KSR2: variants seen among roughly 807,000 people sequenced by gnomAD.
The protein encoded by KSR2 is kinase suppressor of ras 2.
KSR2 carries 25 observed loss-of-function variants against 107.8 expected under a neutral mutation model. The ratio of observed to expected loss-of-function variants is 0.23; its 90% CI spans 0.17 to 0.32. The LOEUF is 0.32. KSR2 is among the 10% of genes least tolerant of loss of function. The pLI is 1.00. For synonymous variants in KSR2, 480 were observed against 507.0 expected (o/e 0.95, Z 0.71); for missense variants, 887 against 1,268.9 (o/e 0.70, Z 4.57).
chr12:117,697,128 C>T (rs1389475621), intron 4 of KSR2, among the ~76,000 whole-genome samples: 1 of 152,188 alleles, frequency 6.6e-6, no homozygotes, highest in Non-Finnish European at 1.5e-5. Context: ...AGCTGCTTTC[C>T]TCCCCCTCGA....
At chr12:117,702,445 A>G (rs1191052951) in intron 4 of KSR2, among the ~76,000 whole-genome samples, 1 of 152,216 alleles carries the variant, frequency 6.6e-6, no homozygotes, top group Non-Finnish European at 1.5e-5. Context: ...AGGAAGTGCA[A>G]TTTAGTGAAC....
chr12:117,915,665 T>C (rs772942744), intron 1 of KSR2, among the ~76,000 whole-genome samples: 22 of 152,214 alleles, frequency 1.4e-4, no homozygotes, highest in Non-Finnish European at 2.8e-4. Flanking sequence ...CCATGGATCC[T>C]GACAAGTTTA....
intron 14 of KSR2, among the ~76,000 whole-genome samples, chr12:117,513,403 A>C (rs542403179): frequency 3.2e-4 from 48 of 152,366 alleles, no homozygotes; most frequent in African/African-American, 1.1e-3. Context: ...AACTGGAGCC[A>C]GGTTGGGAAT....
chr12:117,647,464 T>C (rs1883703116), intron 5 of KSR2, among the ~76,000 whole-genome samples: 1 of 151,930 alleles, frequency 6.6e-6, no homozygotes, highest in Non-Finnish European at 1.5e-5. Context: ...GGGCCCAGGG[T>C]GCCATGGGTG....
chr12:117,812,553 T>A (rs908674441), intron 3 of KSR2, among the ~76,000 whole-genome samples: 7 of 152,132 alleles, frequency 4.6e-5, no homozygotes, highest in African/African-American at 1.4e-4. Flanking sequence ...AGATAGTAAA[T>A]GGTCCTGTAC....
chr12:117,625,307 T>C (rs1455888732), intron 5 of KSR2, among the ~76,000 whole-genome samples: 1 of 152,214 alleles, frequency 6.6e-6, no homozygotes, highest in East Asian at 1.9e-4. Flanking sequence ...GCTTCCAGTT[T>C]TTGCCCACTC....
chr12:117,741,676 G>A, intron 4 of KSR2, among the ~76,000 whole-genome samples: 1 of 152,086 alleles, frequency 6.6e-6, no homozygotes, highest in East Asian at 1.9e-4. Context: ...TCCTGGTCTT[G>A]ACAGAGAAAG....
chr12:117,693,953 T>A (rs1885939435), intron 4 of KSR2, among the ~76,000 whole-genome samples: 1 of 152,318 alleles, frequency 6.6e-6, no homozygotes, highest in East Asian at 1.9e-4. Flanking sequence ...TCCAATTCCA[T>A]ATTCTTTGGT....
chr12:117,829,821 T>C (rs139687161), intron 3 of KSR2, among the ~76,000 whole-genome samples: 47 of 152,356 alleles, frequency 3.1e-4, no homozygotes, highest in African/African-American at 1.1e-3. Context: ...TCTAGTTCAC[T>C]GGCTCCTGGA....
intron 1 of KSR2, among the ~76,000 whole-genome samples, chr12:117,920,702 C>G (rs1593370009): frequency 6.6e-6 from 1 of 152,142 alleles, no homozygotes; most frequent in Non-Finnish European, 1.5e-5. Flanking sequence ...TATTCTATAA[C>G]CCAGTCTCTT....
At chr12:117,936,368 C>G (rs909768228) in intron 1 of KSR2, among the ~76,000 whole-genome samples, 1 of 151,876 alleles carries the variant, frequency 6.6e-6, no homozygotes, top group African/African-American at 2.4e-5. Flanking sequence ...AATCTGTTGC[C>G]CACGCTGGAA....
chr12:117,468,352 G>C (rs1412117126), intron 19 of KSR2, among the ~76,000 whole-genome samples: 21 of 152,242 alleles, frequency 1.4e-4, no homozygotes, highest in Non-Finnish European at 1.5e-5. Flanking sequence ...GAGAGGCCAA[G>C]TGATGTGCCC....
rs1041004679 is a variant in KSR2, at chr12:117,461,405, C to T, written c.*5794G>A. 2.0e-5 allele frequency: 3 copies of T among 152,248 alleles called. No individual in the cohort carries two copies. Among genetic ancestry groups the T allele is most frequent in the Admixed American group, 6.5e-5 (1 of 15,282 alleles). The allele number at this position is 152,248 out of a possible 1,614,324, so 9.4% of individuals were successfully genotyped here. A position where few individuals can be genotyped will look rare whatever the true frequency, so the allele number is the denominator to read the frequency against. ...CCCTTCTAACTCCCTGTGCCAGGGT[C>T]TTACTCTTACCCAGCAAACCTCTCT... On this transcript the variant is annotated 3_prime_UTR_variant, in exon 20 of 20. Transcript: ENST00000339824.
intron 1 of KSR2, among the ~76,000 whole-genome samples, chr12:117,935,140 TTC>T (rs976245159): frequency 1.3e-5 from 2 of 151,576 alleles, no homozygotes; most frequent in African/African-American, 4.8e-5. Flanking sequence ...CTTATTCTTC[TTC>T]TTTTTTCACA....
intron 4 of KSR2, among the ~76,000 whole-genome samples, chr12:117,754,961 G>A (rs73400729): frequency 0.059 from 9,018 of 152,208 alleles, 909 homozygotes; most frequent in African/African-American, 0.2. Flanking sequence ...TCCATTCAGA[G>A]GAAATAAAAG....
chr12:117,677,671 G>C (rs1211995605), intron 4 of KSR2, among the ~76,000 whole-genome samples: 6 of 152,058 alleles, frequency 3.9e-5, no homozygotes, highest in Non-Finnish European at 8.8e-5. Context: ...TAGTTACTAG[G>C]GGCCACACAC....
intron 1 of KSR2, among the ~76,000 whole-genome samples, chr12:117,865,337 T>C (rs142248990): frequency 6.6e-6 from 1 of 152,348 alleles, no homozygotes; most frequent in Non-Finnish European, 1.5e-5. Context: ...CTTACATCAT[T>C]GGCAATATCT....
At chr12:117,742,425 G>A (rs191139856) in intron 4 of KSR2, among the ~76,000 whole-genome samples, 5 of 152,042 alleles carry the variant, frequency 3.3e-5, no homozygotes, top group South Asian at 4.1e-4. Flanking sequence ...GAAAATATTC[G>A]CTGAAGAAGT....
At chr12:117,626,410 G>T (rs1174514984) in intron 5 of KSR2, among the ~76,000 whole-genome samples, 1 of 152,118 alleles carries the variant, frequency 6.6e-6, no homozygotes, top group Non-Finnish European at 1.5e-5. Flanking sequence ...TTGTGTCTTT[G>T]TTCTCATTGG....
Sources: allele counts gnomAD v4.1 joint callset (sites outside exome capture counted in the v4.1 genomes callset), GRCh38; gene constraint gnomAD v4.1.1; transcripts MANE v1.5; gene names NCBI Gene and HGNC (gene_info 2026-07-23, HGNC 2026-07-21).